The following MICAL3 variants were observed in gnomAD, a reference collection of about 807,000 sequenced individuals.
MICAL3 encodes microtubule associated monooxygenase, calponin and LIM domain containing 3.
Under a neutral mutation model 207.4 loss-of-function variants are expected in MICAL3, and 62 were observed. The observed-to-expected ratio is 0.30, with a 90% CI of 0.24 to 0.37. The LOEUF is 0.37. MICAL3 is among the 10% of genes least tolerant of loss of function. The probability of loss-of-function intolerance (pLI) is 1.00; values close to 1 mark genes in which losing one functional copy is unlikely to be tolerated. For missense variants in MICAL3, 2,368 were observed against 2,635.6 expected, an observed-to-expected ratio of 0.90 and a Z score of 2.22; for synonymous variants, 1,077 against 1,069.3, an observed-to-expected ratio of 1.01 and a Z score of -0.14.
chr22:17,801,162 T>TGCTGGAA (rs1230218029), intron 29 of MICAL3, among the ~76,000 whole-genome samples: 16 of 100,158 alleles, frequency 1.6e-4, no homozygotes, highest in South Asian at 6.8e-4. Flanking sequence ...TTTTTTTTTT[T>TGCTGGAA]TTTTTTTTGA....
rs903583699 is a variant in MICAL3, at chr22:17,795,821, AAAG to A, written c.5651-4523_5651-4521del. 5.3e-5 allele frequency among the ~76,000 whole-genome samples: 8 copies of A among 151,078 alleles called. No homozygotes were observed. The East Asian group carries it at 5.9e-4, about 11-fold the overall frequency. Reference sequence around the variant, plus strand: ...AAATGCCCAATCAATACAATTTTCAAAAGAAGAAGTGGAAGGGAAAAACCAATC... The same window carrying A: ...AAATGCCCAATCAATACAATTTTCAAAAGAAGTGGAAGGGAAAAACCAATC... On this transcript the variant is annotated intron_variant, in intron 29 of 31. Coordinates refer to ENST00000441493, the MANE Select transcript of MICAL3 (RefSeq NM_015241.3).
At chr22:17,955,987 G>A (rs536707940) in intron 1 of MICAL3, among the ~76,000 whole-genome samples, 3 of 152,318 alleles carry the variant, frequency 2.0e-5, no homozygotes, top group Admixed American at 6.5e-5. Context: ...ACCATTAAAC[G>A]GTGTTTATGA....
intron 22 of MICAL3, among the ~76,000 whole-genome samples, chr22:17,824,871 CAA>C (rs1569082052): frequency 1.3e-5 from 2 of 152,182 alleles, no homozygotes; most frequent in Non-Finnish European, 2.9e-5. Context: ...ACTTCTGGAG[CAA>C]AGATAAAAGA....
intron 1 of MICAL3, among the ~76,000 whole-genome samples, chr22:17,913,443 T>G (rs893282625): frequency 6.6e-6 from 1 of 152,098 alleles, no homozygotes; most frequent in East Asian, 1.9e-4. Flanking sequence ...TGGACACATG[T>G]TAGAGAAAGA....
intron 14 of MICAL3, 45 bp downstream of exon 14, chr22:17,887,278 C>A: frequency 1.2e-6 from 2 of 1,609,820 alleles, no homozygotes; most frequent in Non-Finnish European, 1.7e-6. Flanking sequence ...GCCATACATA[C>A]CTTGCCATTA....
At chr22:17,814,982 C>T (rs2062088854) in intron 27 of MICAL3, 1 of 152,348 alleles carries the variant, frequency 6.6e-6, no homozygotes, top group Admixed American at 6.5e-5. Context: ...GGTCATCCAT[C>T]CCCTAGCTCG....
chr22:17,978,404 G>T (rs1236631847), intron 1 of MICAL3, among the ~76,000 whole-genome samples: 1 of 152,144 alleles, frequency 6.6e-6, no homozygotes, highest in African/African-American at 2.4e-5. Context: ...GAAGGTAACA[G>T]TAACTCCTAT....
chr22:17,889,759 A>T (rs951919433), intron 12 of MICAL3, among the ~76,000 whole-genome samples: 2 of 152,230 alleles, frequency 1.3e-5, no homozygotes, highest in African/African-American at 2.4e-5. Context: ...ATGAGCTATG[A>T]CTGTGCCACT....
intron 1 of MICAL3, among the ~76,000 whole-genome samples, chr22:17,966,426 C>T (rs1178882811): frequency 6.6e-6 from 1 of 152,228 alleles, no homozygotes; most frequent in Non-Finnish European, 1.5e-5. Context: ...AGCCCCTCCA[C>T]CTCCTCACTC....
intron 11 of MICAL3, among the ~76,000 whole-genome samples, chr22:17,893,427 T>C (rs1930544195): frequency 6.6e-6 from 1 of 152,030 alleles, no homozygotes; most frequent in African/African-American, 2.4e-5. Flanking sequence ...CAAAGACTTT[T>C]TCCACAAAGT....
At chr22:17,961,495 C>T (rs34156568) in intron 1 of MICAL3, among the ~76,000 whole-genome samples, 30,223 of 151,736 alleles carry the variant, frequency 0.2, 3,170 homozygotes, top group Middle Eastern at 0.27. Flanking sequence ...CTTCCCCCCA[C>T]CCTCTCACCC....
intron 1 of MICAL3, among the ~76,000 whole-genome samples, chr22:17,937,125 G>T (rs890949000): frequency 2.0e-5 from 3 of 152,330 alleles, no homozygotes; most frequent in African/African-American, 7.2e-5. Context: ...CAAGAGAGAT[G>T]AAATAACATC....
rs1221635124 is a variant in MICAL3, at chr22:17,900,870, T to C, written c.819A>G (p.Lys273=). Residue 273 remains lysine, a synonymous_variant, in exon 6 of 32, where the codon AAA becomes AAG. Transcript: ENST00000441493. The surrounding 1 kb of genome is among the most constrained non-coding windows in gnomAD (Gnocchi z 4.0). The part of the protein sequence containing the change: ...ISGVAFIFNQ[K]FFQELREATG... ...TGGCTTCCCTCAGTTCCTGGAAAAATTTTTGGTTGAATATAAAAGCCACAC... is the reference window on the plus strand; with the variant it reads ...TGGCTTCCCTCAGTTCCTGGAAAAACTTTTGGTTGAATATAAAAGCCACAC... The C allele has an allele frequency of 1.2e-6, 2 of 1,613,770 alleles. No homozygotes were observed. The highest frequency in any genetic ancestry group is 1.7e-4 in the Middle Eastern group (1 of 6,058).
Position 17,865,946 on chromosome 22 carries a change from G to A in MICAL3, c.2495C>T (p.Ala832Val). ...LSGYAQRKRP[A>V]VAPLSGKEAK... is the part of the protein sequence containing the mutation. ...TACCTTTCCAGACAGGGGAGCCACT[G>A]CCGGTCTCTTCCTTTGTGCGTAGCC... Residue 832 changes from alanine to valine, a missense_variant, in exon 18 of 32, where the codon GCA (alanine) becomes GTA (valine). By Grantham distance (64) the Ala-to-Val change is moderately conservative. Around this residue, in one of 4 missense-constraint regions of MICAL3, gnomAD observed 1,770 missense variants for 1,863.2 expected, o/e 0.95. Coordinates refer to ENST00000441493, the MANE Select transcript of MICAL3 (RefSeq NM_015241.3). 3.7e-6 allele frequency: 6 copies of A among 1,613,798 alleles called. No homozygotes were observed. Among genetic ancestry groups the A allele is most frequent in the Non-Finnish European group, 5.1e-6 (6 of 1,179,678 alleles).
At chr22:17,895,197 T>G in intron 10 of MICAL3, 87 bp downstream of exon 10, 1 of 1,354,152 alleles carries the variant, frequency 7.4e-7, no homozygotes, top group Non-Finnish European at 1.0e-6. Context: ...ATGTGTGGTA[T>G]TAATAGGTGC....
chr22:17,922,049 A>C (rs187109987), intron 1 of MICAL3, among the ~76,000 whole-genome samples: 1 of 152,032 alleles, frequency 6.6e-6, no homozygotes. Flanking sequence ...CCCCTCCTGC[A>C]CTTGAGACTG....
intron 9 of MICAL3, 80 bp from the exon 10 acceptor site, chr22:17,895,490 G>A (rs991497760): frequency 6.6e-7 from 1 of 1,520,764 alleles, no homozygotes; most frequent in South Asian, 1.2e-5. Context: ...TGTTCTGACA[G>A]CGCAGCAAGT....
chr22:17,799,015 G>A (rs1273387727), intron 29 of MICAL3, among the ~76,000 whole-genome samples: 2 of 152,174 alleles, frequency 1.3e-5, no homozygotes, highest in African/African-American at 2.4e-5. Flanking sequence ...AGACACCAAA[G>A]AGCTTTTGTC....
At chr22:17,798,828 C>G (rs964044260) in intron 29 of MICAL3, among the ~76,000 whole-genome samples, 2 of 151,886 alleles carry the variant, frequency 1.3e-5, no homozygotes, top group Non-Finnish European at 2.9e-5. Context: ...CGCCCGCCAC[C>G]ACACCCGGCT....
Sources: allele counts gnomAD v4.1 joint callset (sites outside exome capture counted in the v4.1 genomes callset), GRCh38; gene constraint gnomAD v4.1.1; regional missense constraint gnomAD v4.1.1; non-coding constraint Gnocchi (gnomAD v3.1); transcripts MANE v1.5; gene names NCBI Gene and HGNC (gene_info 2026-07-23, HGNC 2026-07-21).